The following RPL3L variants were observed in gnomAD, a reference collection of about 807,000 sequenced individuals.
RPL3L encodes the protein ribosomal protein uL3-like.
In RPL3L, 44 loss-of-function variants were observed where a neutral mutation model predicts 44.5. The observed-to-expected ratio is 0.99, with a 90% CI of 0.78 to 1.27. The LOEUF (loss-of-function observed/expected upper bound fraction) is 1.27. Ranked by LOEUF, RPL3L falls within the 50% of genes most tolerant of loss-of-function variation. The probability of loss-of-function intolerance (pLI) is 0.00; values close to 1 mark genes in which losing one functional copy is unlikely to be tolerated. For synonymous variants in RPL3L, 292 were observed against 230.7 expected (o/e 1.27, Z -2.41); for missense variants, 631 against 569.1 (o/e 1.11, Z -1.11).
At chr16:1,951,169 C>G (rs1287836577) in intron 3 of RPL3L, among the ~76,000 whole-genome samples, 190 bp from the exon 4 acceptor site, 7 of 152,142 alleles carry the variant, frequency 4.6e-5, no homozygotes. Flanking sequence ...CTCTAGGCCC[C>G]GGTTTCCTCC....
chr16:1,953,007 T>A lies in RPL3L; in HGVS notation c.232A>T (p.Ile78Phe). The part of the protein sequence containing the change: ...SKREEVEAVT[I>F]VETPPLVVVG... ...ACCACTAGGGGCGGCGTTTCTACAA[T>A]TGTCACCGCCTCCACCTCCTCCCGT... Residue 78 changes from isoleucine to phenylalanine, a missense_variant, in exon 3 of 10, where the codon ATT (isoleucine) becomes TTT (phenylalanine). Coordinates refer to ENST00000268661, the MANE Select transcript of RPL3L (RefSeq NM_005061.3). The A allele has an allele frequency of 6.2e-7, 1 of 1,608,772 alleles. No homozygotes were observed. The highest frequency in any genetic ancestry group is 8.5e-7 in the Non-Finnish European group (1 of 1,177,624).
chr16:1,947,820 T>C (rs1462742560), intron 4 of RPL3L, among the ~76,000 whole-genome samples: 2 of 151,268 alleles, frequency 1.3e-5, no homozygotes, highest in South Asian at 2.1e-4. Context: ...GGAAAGTTGG[T>C]GGGACAGAGA....
intron 7 of RPL3L, 24 bp downstream of exon 7, chr16:1,946,601 G>GC (rs2083121984): frequency 6.2e-7 from 1 of 1,605,334 alleles, no homozygotes. Context: ...GATGGGCCTG[G>GC]CAGTCGCCCC....
intron 3 of RPL3L, among the ~76,000 whole-genome samples, chr16:1,951,541 C>T (rs747399456): frequency 5.9e-5 from 9 of 151,984 alleles, no homozygotes; most frequent in African/African-American, 9.7e-5. Context: ...CCACCGTGCC[C>T]GGCTAATTTT....
chr16:1,952,201 T>C (rs1170392065), intron 3 of RPL3L, among the ~76,000 whole-genome samples: 2 of 151,730 alleles, frequency 1.3e-5, no homozygotes, highest in Non-Finnish European at 2.9e-5. Flanking sequence ...ACTCCTGACC[T>C]CAAATGAGCC....
chr16:1,948,628 G>A (rs906480340), intron 4 of RPL3L, among the ~76,000 whole-genome samples: 40 of 151,828 alleles, frequency 2.6e-4, no homozygotes, highest in African/African-American at 7.3e-4. Flanking sequence ...TCAGCCTCCC[G>A]GGCCGAAGCA....
intron 4 of RPL3L, among the ~76,000 whole-genome samples, chr16:1,948,043 T>C (rs1460561809): frequency 6.7e-6 from 1 of 150,010 alleles, no homozygotes; most frequent in East Asian, 2.0e-4. Context: ...GTTCACGCCA[T>C]TCCCCTGCCT....
In RPL3L at chr16:1,950,989, G is replaced by A; in HGVS notation, c.366-10C>T. 3 of 1,613,074 alleles carry A rather than the reference G, an allele frequency of 1.9e-6. No homozygotes were observed. The highest frequency in any genetic ancestry group is 2.5e-6 in the Non-Finnish European group (3 of 1,179,732). On this transcript the variant is annotated splice_polypyrimidine_tract_variant and intron_variant, in intron 3 of 9. Transcript: ENST00000268661. ...CTTCTTGCTCTTGTGCCTGAGCCAT[G>A]CACAGGAGGGTGCTCAGAAGCCCCC... is the stretch of plus-strand genomic sequence containing the variant.
chr16:1,950,109 C>T (rs796288816), intron 4 of RPL3L, among the ~76,000 whole-genome samples: 4 of 21,902 alleles, frequency 1.8e-4, no homozygotes, highest in African/African-American at 3.6e-4. Context: ...CAGGTATGGA[C>T]GGGGCAGGTA....
intron 4 of RPL3L, among the ~76,000 whole-genome samples, chr16:1,949,397 G>A (rs2083152879): frequency 2.7e-5 from 4 of 149,632 alleles, no homozygotes; most frequent in Admixed American, 2.7e-4. Context: ...GGGATTGCAG[G>A]CGCCCACCAT....
intron 4 of RPL3L, among the ~76,000 whole-genome samples, chr16:1,949,182 G>T (rs1171032355): frequency 2.0e-5 from 3 of 150,110 alleles, no homozygotes; most frequent in African/African-American, 4.9e-5. Context: ...AGTTGCCCGG[G>T]CTGCCACCTT....
rs1422454460 is a variant in RPL3L at position 1,954,084 on chromosome 16, T to A, written c.68A>T (p.His23Leu). The change falls in exon 2 of 10, where the codon CAC becomes CTC. Residue 23 changes from histidine to leucine, a missense_variant. His to Leu is a moderately conservative substitution (Grantham distance 99). Transcript: ENST00000268661. The part of the protein sequence containing the change: ...HLGFLPHKRS[H>L]RHRGKVKTWP... ...CGTCTTCACCTTGCCCCGGTGCCGG[T>A]GGCTCCTCTTATGGGGCAGGAAGCC... is the stretch of plus-strand genomic sequence containing the variant. The A allele has an allele frequency of 6.2e-7, 1 of 1,603,800 alleles. No homozygotes were observed. The highest frequency in any genetic ancestry group is 1.7e-5 in the Admixed American group (1 of 58,332).
At chr16:1,950,816 G>T in intron 4 of RPL3L, 28 bp downstream of exon 4, 1 of 1,613,846 alleles carries the variant, frequency 6.2e-7, no homozygotes, top group South Asian at 1.1e-5. Flanking sequence ...CCTAGGGACT[G>T]ACCGACAGCG....
rs149645742 is a variant in RPL3L, at chr16:1,946,954, G to T, written c.833C>A (p.Thr278Lys). The T allele has an allele frequency of 6.2e-7, 1 of 1,606,616 alleles. No individual in the cohort carries two copies. Among genetic ancestry groups the T allele is most frequent in the South Asian group, 1.1e-5 (1 of 90,874 alleles). ...RAGQKGYHHR[T>K]ELNKKIFRIG... ...AGGACGCACCTTCTTGTTGAGCTCCGTGCGGTGGTGATAGCCCTTCTGCCC... is the reference window on the plus strand; with the variant it reads ...AGGACGCACCTTCTTGTTGAGCTCCTTGCGGTGGTGATAGCCCTTCTGCCC... Residue 278 changes from threonine to lysine, a missense_variant, in exon 6 of 10, where the codon ACG becomes AAG. By Grantham distance (78) the Thr-to-Lys change is moderately conservative. Coordinates refer to ENST00000268661, the MANE Select transcript of RPL3L (RefSeq NM_005061.3).
At position 1,954,024 on chromosome 16, in the gene RPL3L, A is replaced by C; in HGVS notation, c.128T>G (p.Leu43Arg). ...CGCCTTGTAGCCCAGGAAGGCCGTGAGGTGCACGGGCTGGCTGGGGTCATC... is the reference window on the plus strand; with the variant it reads ...CGCCTTGTAGCCCAGGAAGGCCGTGCGGTGCACGGGCTGGCTGGGGTCATC... ...PRDDPSQPVH[L>R]TAFLGYKAGM... The change falls in exon 2 of 10, where the codon CTC becomes CGC. Residue 43 changes from leucine (L) to arginine (R), a missense_variant. Transcript: ENST00000268661. 1 of 1,605,002 alleles carries C rather than the reference A, an allele frequency of 6.2e-7. No individual in the cohort carries two copies. The highest frequency in any genetic ancestry group is 8.5e-7 in the Non-Finnish European group (1 of 1,175,848).
rs142332527 is a variant in RPL3L, at chr16:1,946,984, C to T, written c.803G>A (p.Arg268Gln). ...HPARVGCSIA[R>Q]AGQKGYHHRT... ...GTGGTGATAGCCCTTCTGCCCGGCC[C>T]GAGCAATGGAGCAGCCCACGCGGGC... is the stretch of plus-strand genomic sequence containing the variant. The change falls in exon 6 of 10, where the codon CGG becomes CAG. Residue 268 changes from arginine to glutamine, a missense_variant. Coordinates refer to ENST00000268661, the MANE Select transcript of RPL3L (RefSeq NM_005061.3). 49 of 1,610,540 alleles carry T rather than the reference C, an allele frequency of 3.0e-5. No individual in the cohort carries two copies. Among genetic ancestry groups the T allele is most frequent in the Admixed American group, 1.0e-4 (6 of 59,798 alleles).
At chr16:1,947,539 G>T (rs1266334631) in intron 4 of RPL3L, among the ~76,000 whole-genome samples, 159 bp from the exon 5 acceptor site, 2 of 152,246 alleles carry the variant, frequency 1.3e-5, no homozygotes, top group Non-Finnish European at 2.9e-5. Context: ...GCTAGGCACT[G>T]CGGATCCGGT....
chr16:1,952,660 G>A (rs1172788754), intron 3 of RPL3L, among the ~76,000 whole-genome samples: 1 of 152,192 alleles, frequency 6.6e-6, no homozygotes, highest in Non-Finnish European at 1.5e-5. Flanking sequence ...ACAGGCGTGA[G>A]CCAGCACGCC....
intron 4 of RPL3L, among the ~76,000 whole-genome samples, chr16:1,948,403 T>C (rs1021944380): frequency 2.6e-5 from 4 of 152,116 alleles, no homozygotes; most frequent in Non-Finnish European, 5.9e-5. Flanking sequence ...TTTTTGTATT[T>C]TTAGTACAGT....
Sources: gnomAD v4.1 joint callset for allele counts (sites outside exome capture counted in the v4.1 genomes callset) on GRCh38, gnomAD v4.1.1 for gene constraint, MANE v1.5 for transcripts, NCBI Gene and HGNC (gene_info 2026-07-23, HGNC 2026-07-21) for gene names.